ARHGAP27: variants seen among roughly 807,000 people sequenced by gnomAD.
The protein encoded by ARHGAP27 is rho GTPase-activating protein 27.
A neutral mutation model predicts 102.0 loss-of-function variants in ARHGAP27; 53 were observed. The ratio of observed to expected loss-of-function variants is 0.52; its 90% CI spans 0.42 to 0.65. ARHGAP27 has a LOEUF of 0.65. Ranked by LOEUF, ARHGAP27 falls within the 30% of genes least tolerant of loss-of-function variation. The pLI, the probability that ARHGAP27 is intolerant of heterozygous loss-of-function variation, is 0.00. For missense variants in ARHGAP27, 1,117 were observed against 1,256.2 expected, an observed-to-expected ratio of 0.89 and a Z score of 1.68; for synonymous variants, 525 against 542.8, an observed-to-expected ratio of 0.97 and a Z score of 0.46.
Position 45,395,395 on chromosome 17 carries a change from G to T in ARHGAP27, c.*61C>A. ...AGAGAGAAGAAGGCCCGGCTGCGTGGCCTCCGCCGCCCAGCTTGTGTGGCA... is the reference window on the plus strand; with the variant it reads ...AGAGAGAAGAAGGCCCGGCTGCGTGTCCTCCGCCGCCCAGCTTGTGTGGCA... On this transcript the variant is annotated 3_prime_UTR_variant, in exon 20 of 20. Transcript: ENST00000685559. The T allele has an allele frequency of 6.7e-7, 1 of 1,502,726 alleles. No homozygotes were observed. The highest frequency in any genetic ancestry group is 8.9e-7 in the Non-Finnish European group (1 of 1,120,510). 93.1% of individuals were successfully genotyped at this position (1,502,726 alleles called of 1,614,324 possible). A position where few individuals can be genotyped will look rare whatever the true frequency, so the allele number is the denominator to read the frequency against.
intron 4 of ARHGAP27, among the ~76,000 whole-genome samples, chr17:45,422,111 A>G (rs1168818392): frequency 6.6e-6 from 1 of 152,194 alleles, no homozygotes; most frequent in African/African-American, 2.4e-5. Context: ...GGTTGCAGTG[A>G]GCCAAGATCG....
intron 12 of ARHGAP27, among the ~76,000 whole-genome samples, chr17:45,400,522 G>A (rs1477988132): frequency 1.3e-5 from 2 of 152,154 alleles, no homozygotes; most frequent in African/African-American, 4.8e-5. Context: ...GCCCTATTCT[G>A]AAACTTTCAT....
intron 4 of ARHGAP27, among the ~76,000 whole-genome samples, chr17:45,415,190 C>T (rs1161357245): frequency 1.3e-5 from 2 of 152,132 alleles, no homozygotes; most frequent in South Asian, 2.1e-4. Flanking sequence ...GACAATCAGC[C>T]CACTGCTTAG....
At chr17:45,408,605 G>A (rs1184824854) in intron 4 of ARHGAP27, 1 of 152,130 alleles carries the variant, frequency 6.6e-6, no homozygotes, top group African/African-American at 2.4e-5. Context: ...GTGGCATCCT[G>A]TAGTCCAACC....
intron 4 of ARHGAP27, among the ~76,000 whole-genome samples, chr17:45,426,889 T>C (rs1454453317): frequency 6.6e-6 from 1 of 152,136 alleles, no homozygotes; most frequent in Non-Finnish European, 1.5e-5. Context: ...ATACGGCCTT[T>C]CTCTCACATG....
At chr17:45,418,540 C>T (rs188994744) in intron 4 of ARHGAP27, among the ~76,000 whole-genome samples, 21 of 152,324 alleles carry the variant, frequency 1.4e-4, no homozygotes, top group Admixed American at 4.6e-4. Context: ...CAGCTCCCCC[C>T]ACCCCCGAAG....
chr17:45,419,507 T>C (rs1300712051), intron 4 of ARHGAP27, among the ~76,000 whole-genome samples: 1 of 97,220 alleles, frequency 1.0e-5, no homozygotes, highest in Non-Finnish European at 1.9e-5. Flanking sequence ...AGACTTATGC[T>C]GTATGTATAT....
chr17:45,402,369 G>A (rs1377005813), intron 12 of ARHGAP27, among the ~76,000 whole-genome samples: 1 of 152,186 alleles, frequency 6.6e-6, no homozygotes, highest in Non-Finnish European at 1.5e-5. Flanking sequence ...CCTGGAGAGG[G>A]AACTGCAGAA....
chr17:45,415,792 G>A (rs2048392016), intron 4 of ARHGAP27, among the ~76,000 whole-genome samples: 1 of 152,168 alleles, frequency 6.6e-6, no homozygotes, highest in African/African-American at 2.4e-5. Context: ...ATGAGTCAAT[G>A]TCCAGGCAGA....
chr17:45,395,773 AGTGTC>A lies in ARHGAP27; in HGVS notation c.2458_2462del (p.Asp820SerfsTer74). 6.2e-7 allele frequency: 1 copy of A among 1,603,100 alleles called. No individual in the cohort carries two copies. The highest frequency in any genetic ancestry group is 8.5e-7 in the Non-Finnish European group (1 of 1,177,342). ...AGAGGTGCTGGAAGAGCATCCGCAG[AGTGTC>A]GTGGTTGGGAGCGGGCAGCGAGCGC... On this transcript the variant is annotated frameshift_variant, in exon 19 of 20. Transcript: ENST00000685559. LOFTEE classifies it high-confidence loss of function.
chr17:45,394,991 A>T lies in ARHGAP27; in HGVS notation c.*465T>A. 6.1e-6 allele frequency: 1 copy of T among 165,206 alleles called. No homozygotes were observed. The highest frequency in any genetic ancestry group is 1.3e-5 in the Non-Finnish European group (1 of 76,686). 10.2% of individuals were successfully genotyped at this position (165,206 alleles called of 1,614,324 possible). ...GGTCAGTCCTGTTTCCACAGTGGGGAAGTGATCAGAGCTGCCTCATGACTG... is the reference window on the plus strand; with the variant it reads ...GGTCAGTCCTGTTTCCACAGTGGGGTAGTGATCAGAGCTGCCTCATGACTG... On this transcript the variant is annotated 3_prime_UTR_variant, in exon 20 of 20. Transcript: ENST00000685559.
intron 4 of ARHGAP27, among the ~76,000 whole-genome samples, chr17:45,428,032 C>T (rs1039586449): frequency 5.9e-5 from 9 of 152,208 alleles, no homozygotes; most frequent in Admixed American, 2.6e-4. Flanking sequence ...AAAGGGCTGC[C>T]GCACCTCTGC....
At chr17:45,405,245 G>T in intron 5 of ARHGAP27, 139 bp from the exon 6 acceptor site, 1 of 949,930 alleles carries the variant, frequency 1.1e-6, no homozygotes. Context: ...GAAGCGCTCA[G>T]AGGTAGCTCC....
At chr17:45,405,223 G>C in intron 5 of ARHGAP27, 117 bp from the exon 6 acceptor site, 1 of 1,185,414 alleles carries the variant, frequency 8.4e-7, no homozygotes, top group Non-Finnish European at 1.2e-6. Context: ...GTGGGAGCAG[G>C]AGGCGGGGTC....
chr17:45,400,918 A>ATAT (rs2046364515), intron 12 of ARHGAP27, among the ~76,000 whole-genome samples: 1 of 150,130 alleles, frequency 6.7e-6, no homozygotes, highest in South Asian at 2.1e-4. Context: ...CTGGATAATA[A>ATAT]TCATAATCAT....
rs1335819037 is a variant in ARHGAP27 at position 45,421,171 on chromosome 17, G to A, written c.657+8452C>T. ...CGCTCACATGCAAAGGAAAGAAAAG[G>A]TAAAAGAAACAATAATCGAGCAACA... is the stretch of plus-strand genomic sequence containing the variant. On this transcript the variant is annotated intron_variant, in intron 4 of 19. Transcript: ENST00000685559. 3.0e-5 allele frequency among the ~76,000 whole-genome samples: 4 copies of A among 135,550 alleles called. No homozygotes were observed. The East Asian group carries it at 8.5e-4, about 29-fold the overall frequency. 88.9% of individuals were successfully genotyped at this position (135,550 alleles called of 152,430 possible).
intron 6 of ARHGAP27, 24 bp from the exon 7 acceptor site, chr17:45,404,705 G>A: frequency 6.2e-7 from 1 of 1,600,906 alleles, no homozygotes; most frequent in Non-Finnish European, 8.5e-7. Flanking sequence ...AATGGTCAGG[G>A]CCTCCAGCCC....
chr17:45,432,765 C>T lies in ARHGAP27; in HGVS notation c.-298G>A, dbSNP rs2050155453. ...CTGCCCGGGCACCTCGGGGCGTCCG[C>T]TCGCCGGCTTCGCCTCCACTTGCCC... On this transcript the variant is annotated 5_prime_UTR_variant, in exon 1 of 20. Transcript: ENST00000685559. 1 of 151,830 alleles carries T rather than the reference C, an allele frequency of 6.6e-6. No homozygotes were observed. The highest frequency in any genetic ancestry group is 1.5e-5 in the Non-Finnish European group (1 of 67,960). The allele number at this position is 151,830 out of a possible 1,614,324, so 9.4% of individuals were successfully genotyped here.
chr17:45,429,075 A>G lies in ARHGAP27; in HGVS notation c.657+548T>C, dbSNP rs372756224. Among the ~76,000 whole-genome samples the G allele has an allele frequency of 9.2e-5, 14 of 152,354 alleles. No homozygotes were observed. In the South Asian group the frequency reaches 1.9e-3, roughly 20 times the overall value. Reference sequence around the variant, plus strand: ...AAAGGGAAGCAGACGCCTGACTTTCACATCCACCCTCTCATCTGACCCCAG... The same window carrying G: ...AAAGGGAAGCAGACGCCTGACTTTCGCATCCACCCTCTCATCTGACCCCAG... On this transcript the variant is annotated intron_variant, in intron 4 of 19. Coordinates refer to ENST00000685559, the MANE Select transcript of ARHGAP27 (RefSeq NM_001282290.2).
Sources: allele counts gnomAD v4.1 joint callset (sites outside exome capture counted in the v4.1 genomes callset), GRCh38; gene constraint gnomAD v4.1.1; transcripts MANE v1.5; gene names NCBI Gene and HGNC (gene_info 2026-07-23, HGNC 2026-07-21).